Variants in FOXN3 observed in about 807,000 individuals in gnomAD.
FOXN3 encodes the protein forkhead box protein N3.
Under a neutral mutation model 38.4 loss-of-function variants are expected in FOXN3, and 7 were observed. The ratio of observed to expected loss-of-function variants is 0.18; its 90% CI spans 0.10 to 0.34. FOXN3 has a LOEUF of 0.34. Ranked by LOEUF, FOXN3 falls within the 10% of genes least tolerant of loss-of-function variation. The pLI is 1.00. For missense variants in FOXN3, 456 were observed against 613.4 expected, an observed-to-expected ratio of 0.74 and a Z score of 2.71; for synonymous variants, 230 against 242.2, an observed-to-expected ratio of 0.95 and a Z score of 0.47.
At position 89,490,330 on chromosome 14, in the gene FOXN3, C is replaced by T. The variant is rs115970135; in HGVS notation, c.-14-77840G>A. ...TCAGCGTTTAGCAAAGAGTGGTGAA[C>T]GGATTGTTGTTGGATGACGGTGTTT... On this transcript the variant is annotated intron_variant, in intron 1 of 6. Coordinates refer to the FOXN3 transcript ENST00000345097. 4.6e-3 allele frequency among the ~76,000 whole-genome samples: 703 copies of T among 152,272 alleles called. 7 individuals carry two copies. Among genetic ancestry groups the T allele is most frequent in the African/African-American group, 0.016 (649 of 41,558 alleles).
At position 89,567,538 on chromosome 14, in the gene FOXN3, T is replaced by C. The variant is rs80330243; in HGVS notation, c.-15+51490A>G. On this transcript the variant is annotated intron_variant, in intron 1 of 6. Transcript: ENST00000345097. ...GAAGACTGTAAAAGGTACAGAGCGATACTAAGGGAAGACTGTACTAGGTAC... is the reference window on the plus strand; with the variant it reads ...GAAGACTGTAAAAGGTACAGAGCGACACTAAGGGAAGACTGTACTAGGTAC... Among the ~76,000 whole-genome samples, 100 of 14,066 alleles carry C rather than the reference T, an allele frequency of 7.1e-3. 48 individuals carry two copies. The highest frequency in any genetic ancestry group is 0.091 in the Middle Eastern group (2 of 22). 9.2% of individuals were successfully genotyped at this position (14,066 alleles called of 152,430 possible).
chr14:89,208,294 G>A (rs955269065), intron 4 of FOXN3, among the ~76,000 whole-genome samples: 8 of 152,206 alleles, frequency 5.3e-5, no homozygotes, highest in Middle Eastern at 6.3e-3. Flanking sequence ...CTGAGGTCAG[G>A]CATCCGCGCT....
chr14:89,448,054 C>T (rs1305620554), intron 1 of FOXN3, among the ~76,000 whole-genome samples: 9 of 151,958 alleles, frequency 5.9e-5, no homozygotes, highest in African/African-American at 1.4e-4. Context: ...CCTCGTGATC[C>T]GCCCGCCTCG....
intron 2 of FOXN3, among the ~76,000 whole-genome samples, chr14:89,354,334 T>G (rs1326855611): frequency 6.6e-6 from 1 of 151,350 alleles, no homozygotes; most frequent in Non-Finnish European, 1.5e-5. Context: ...TTCAAGCCTC[T>G]CCTGCCTCAG....
chr14:89,180,896 G>T, intron 4 of FOXN3, 90 bp from the exon 5 acceptor site: 1 of 800,078 alleles, frequency 1.2e-6, no homozygotes, highest in Non-Finnish European at 1.9e-6. Context: ...AGACCAATAA[G>T]AGAGAGAGAG....
chr14:89,590,406 G>A (rs1895925371), intron 1 of FOXN3, among the ~76,000 whole-genome samples: 3 of 152,284 alleles, frequency 2.0e-5, no homozygotes, highest in South Asian at 2.1e-4. Flanking sequence ...AACTCAGGCA[G>A]AAGGAGGAAA....
intron 1 of FOXN3, among the ~76,000 whole-genome samples, chr14:89,519,572 G>A (rs376976381): frequency 5.3e-5 from 8 of 152,262 alleles, no homozygotes; most frequent in African/African-American, 1.9e-4. Flanking sequence ...AGAGAGTCTG[G>A]AGCCAGAAGG....
At chr14:89,335,075 TATCACACACACACACACACACACACA>T in intron 3 of FOXN3, among the ~76,000 whole-genome samples, 1 of 136,266 alleles carries the variant, frequency 7.3e-6, no homozygotes, top group Admixed American at 7.1e-5. Context: ...ACTATTTTCA[TATCACACACACACACACACACACACA>T]CACACACACA....
intron 2 of FOXN3, among the ~76,000 whole-genome samples, chr14:89,373,739 G>A (rs1419798960): frequency 6.6e-6 from 1 of 152,150 alleles, no homozygotes; most frequent in Non-Finnish European, 1.5e-5. Flanking sequence ...TTAATAGTAG[G>A]ATTGAGGAAA....
intron 4 of FOXN3, among the ~76,000 whole-genome samples, chr14:89,247,046 TAGTC>T (rs1170124609): frequency 5.9e-5 from 9 of 152,126 alleles, no homozygotes; most frequent in Non-Finnish European, 1.3e-4. Flanking sequence ...ATCCACCCAA[TAGTC>T]AGTCTGTTGA....
At chr14:89,461,520 C>T (rs547411455) in intron 1 of FOXN3, among the ~76,000 whole-genome samples, 1 of 152,134 alleles carries the variant, frequency 6.6e-6, no homozygotes, top group Non-Finnish European at 1.5e-5. Flanking sequence ...ATAATAAATA[C>T]ACTAATGAAC....
chr14:89,242,982 T>C (rs1596126597), intron 4 of FOXN3, among the ~76,000 whole-genome samples: 1 of 152,204 alleles, frequency 6.6e-6, no homozygotes, highest in Non-Finnish European at 1.5e-5. Context: ...ATTTACACAT[T>C]CTTTATGCCC....
At chr14:89,493,287 A>T (rs1410973905) in intron 1 of FOXN3, among the ~76,000 whole-genome samples, 1 of 152,244 alleles carries the variant, frequency 6.6e-6, no homozygotes, top group Non-Finnish European at 1.5e-5. Flanking sequence ...TGTAAATTGC[A>T]CTACAACATA....
intron 1 of FOXN3, among the ~76,000 whole-genome samples, chr14:89,546,583 C>G (rs1894890316): frequency 6.6e-6 from 1 of 151,400 alleles, no homozygotes; most frequent in South Asian, 2.1e-4. Flanking sequence ...CCCACCTCGG[C>G]CTCCCAAAGT....
chr14:89,285,595 A>C (rs1402199834), intron 3 of FOXN3, among the ~76,000 whole-genome samples: 1 of 152,202 alleles, frequency 6.6e-6, no homozygotes, highest in African/African-American at 2.4e-5. Context: ...TAAGTGAAAT[A>C]AGCCAGAATA....
chr14:89,390,490 T>TAA (rs376776864), intron 2 of FOXN3, among the ~76,000 whole-genome samples: 1,440 of 130,146 alleles, frequency 0.011, 14 homozygotes, highest in Non-Finnish European at 0.016. Flanking sequence ...AGCTGCTTTT[T>TAA]AAAAAAAAAA....
chr14:89,560,367 C>T (rs1385581791), intron 1 of FOXN3, among the ~76,000 whole-genome samples: 2 of 152,142 alleles, frequency 1.3e-5, no homozygotes, highest in African/African-American at 2.4e-5. Flanking sequence ...CCATGTACAG[C>T]CCCTGGATAC....
intron 1 of FOXN3, among the ~76,000 whole-genome samples, chr14:89,552,126 A>G (rs962332412): frequency 2.0e-5 from 3 of 152,242 alleles, no homozygotes; most frequent in Non-Finnish European, 4.4e-5. Flanking sequence ...CTTCAAAGAA[A>G]AGCGCACGGT....
At chr14:89,555,425 A>C (rs1485470856) in intron 1 of FOXN3, among the ~76,000 whole-genome samples, 1 of 152,230 alleles carries the variant, frequency 6.6e-6, no homozygotes, top group African/African-American at 2.4e-5. Flanking sequence ...AGAAAGTAAC[A>C]GTATTATCAA....
Sources: gnomAD v4.1 joint callset for allele counts (sites outside exome capture counted in the v4.1 genomes callset) on GRCh38, gnomAD v4.1.1 for gene constraint, MANE v1.5 for transcripts, NCBI Gene and HGNC (gene_info 2026-07-23, HGNC 2026-07-21) for gene names.